The following EML5 variants were observed in gnomAD, a reference collection of about 807,000 sequenced individuals.
EML5 encodes the protein EMAP like 5.
EML5 carries 120 observed loss-of-function variants against 250.0 expected under a neutral mutation model. The ratio of observed to expected loss-of-function variants is 0.48; its 90% CI spans 0.41 to 0.56. EML5 has a LOEUF of 0.56. Among genes scored for constraint, EML5 ranks in the 20% least tolerant of loss-of-function variants. EML5 has a pLI of 0.00. For missense variants in EML5, 2,006 were observed against 2,437.6 expected (o/e 0.82, Z 3.73); for synonymous variants, 771 against 806.5 (o/e 0.96, Z 0.75).
At chr14:88,722,975 T>C (rs1324396328) in intron 8 of EML5, among the ~76,000 whole-genome samples, 1 of 152,164 alleles carries the variant, frequency 6.6e-6, no homozygotes, top group Non-Finnish European at 1.5e-5. Flanking sequence ...AATCTGTATG[T>C]AACACAGCAA....
At chr14:88,715,269 A>T (rs2093473310) in intron 8 of EML5, 74 bp from the exon 9 acceptor site, 1 of 1,387,462 alleles carries the variant, frequency 7.2e-7, no homozygotes, top group Non-Finnish European at 9.6e-7. Flanking sequence ...AACATGTCTA[A>T]AATGACCGTG....
At chr14:88,630,071 C>G (rs1157458849) in intron 33 of EML5, among the ~76,000 whole-genome samples, 3 of 136,452 alleles carry the variant, frequency 2.2e-5, no homozygotes, top group Non-Finnish European at 3.0e-5. Context: ...GCTCTTGTTG[C>G]CCAGGCTGGA....
chr14:88,644,172 AC>A (rs2091224876), intron 30 of EML5, among the ~76,000 whole-genome samples: 1 of 152,182 alleles, frequency 6.6e-6, no homozygotes, highest in African/African-American at 2.4e-5. Context: ...GATCATTCAC[AC>A]ATACTTAGGT....
intron 1 of EML5, among the ~76,000 whole-genome samples, chr14:88,776,456 G>A (rs1446432731): frequency 6.6e-6 from 1 of 151,990 alleles, no homozygotes; most frequent in Non-Finnish European, 1.5e-5. Context: ...TCCTGGAGCT[G>A]AAAAAATACA....
At chr14:88,751,804 A>G (rs2094100018) in intron 2 of EML5, among the ~76,000 whole-genome samples, 1 of 152,212 alleles carries the variant, frequency 6.6e-6, no homozygotes, top group South Asian at 2.1e-4. Flanking sequence ...AAAGAAAACC[A>G]GATAAAGAAG....
intron 1 of EML5, among the ~76,000 whole-genome samples, chr14:88,757,304 C>T (rs1055861341): frequency 3.3e-5 from 5 of 152,050 alleles, no homozygotes; most frequent in East Asian, 1.9e-4. Context: ...GGACACATAC[C>T]TCAAACCATA....
At chr14:88,656,549 T>A (rs1807608222) in intron 27 of EML5, among the ~76,000 whole-genome samples, 1 of 152,134 alleles carries the variant, frequency 6.6e-6, no homozygotes, top group African/African-American at 2.4e-5. Flanking sequence ...CAAACCACCA[T>A]GGCACATGTA....
chr14:88,736,408 A>C lies in EML5; in HGVS notation c.1005T>G (p.Pro335=). ...EGELWALAVH[P]TKPLAVTGSD... ...TTCCAGTCACAGCCAAAGGTTTAGT[A>C]GGATGGACAGCAAGTGCCCAAAGTT... The change falls in exon 7 of 44, where the codon CCT becomes CCG. Residue 335 remains proline, a synonymous_variant. Transcript: ENST00000554922. 3 of 1,614,034 alleles carry C rather than the reference A, an allele frequency of 1.9e-6. No individual in the cohort carries two copies. The African/African-American group carries it at 4.0e-5, about 22-fold the overall frequency.
intron 17 of EML5, 105 bp downstream of exon 17, chr14:88,694,202 C>G: frequency 1.4e-6 from 1 of 704,576 alleles, no homozygotes; most frequent in Non-Finnish European, 2.4e-6. Context: ...TGTTCCTGCT[C>G]TATTCCAGGA....
intron 8 of EML5, among the ~76,000 whole-genome samples, chr14:88,718,840 G>A (rs928779935): frequency 6.6e-6 from 1 of 152,062 alleles, no homozygotes; most frequent in Non-Finnish European, 1.5e-5. Context: ...TTTGGTGGGG[G>A]TGCAACCAAC....
At chr14:88,727,878 A>G (rs1235247301) in intron 7 of EML5, among the ~76,000 whole-genome samples, 1 of 152,228 alleles carries the variant, frequency 6.6e-6, no homozygotes, top group Non-Finnish European at 1.5e-5. Context: ...CCACAATGCT[A>G]GAAATCAACA....
chr14:88,677,245 G>T (rs752734339), intron 21 of EML5, among the ~76,000 whole-genome samples: 1 of 152,068 alleles, frequency 6.6e-6, no homozygotes, highest in Non-Finnish European at 1.5e-5. Flanking sequence ...AAACTGGCTG[G>T]CCACATGCAG....
chr14:88,642,864 T>C (rs370339615), intron 31 of EML5, 29 bp downstream of exon 31: 10 of 1,566,540 alleles, frequency 6.4e-6, no homozygotes, highest in Middle Eastern at 1.7e-4. Flanking sequence ...AAAAAATTGA[T>C]AGAGGGATGG....
At chr14:88,777,911 G>A (rs1236442983) in intron 1 of EML5, among the ~76,000 whole-genome samples, 3 of 152,212 alleles carry the variant, frequency 2.0e-5, no homozygotes, top group Non-Finnish European at 4.4e-5. Flanking sequence ...GGAAGTCAAG[G>A]CTGCAGTGAG....
intron 29 of EML5, among the ~76,000 whole-genome samples, chr14:88,645,294 G>A (rs1358582433): frequency 6.6e-6 from 1 of 152,218 alleles, no homozygotes; most frequent in Non-Finnish European, 1.5e-5. Flanking sequence ...CCAAAGTGCT[G>A]GGATTAGAGG....
chr14:88,648,084 A>G (rs1438063919), intron 28 of EML5, among the ~76,000 whole-genome samples: 1 of 152,146 alleles, frequency 6.6e-6, no homozygotes, highest in Non-Finnish European at 1.5e-5. Context: ...TAATCTTTAA[A>G]AAGTTTTTTT....
chr14:88,660,282 TAA>T (rs35634830), intron 25 of EML5, among the ~76,000 whole-genome samples: 50 of 133,776 alleles, frequency 3.7e-4, no homozygotes, highest in Admixed American at 6.1e-4. Flanking sequence ...GACGCTGTCT[TAA>T]AAAAAAAAAA....
At chr14:88,779,696 A>G (rs1391582723) in intron 1 of EML5, among the ~76,000 whole-genome samples, 1 of 152,198 alleles carries the variant, frequency 6.6e-6, no homozygotes, top group Non-Finnish European at 1.5e-5. Context: ...GCAAACCAGG[A>G]TCAGCTGTTT....
chr14:88,689,237 T>G (rs147542400), intron 17 of EML5, among the ~76,000 whole-genome samples: 1 of 152,180 alleles, frequency 6.6e-6, no homozygotes, highest in Non-Finnish European at 1.5e-5. Flanking sequence ...TAGGAATGCC[T>G]GGGAGTAGTA....
Sources: allele counts gnomAD v4.1 joint callset (sites outside exome capture counted in the v4.1 genomes callset), GRCh38; gene constraint gnomAD v4.1.1; transcripts MANE v1.5; gene names NCBI Gene and HGNC (gene_info 2026-07-23, HGNC 2026-07-21).